The following TSFM variants were observed in gnomAD, a reference collection of about 807,000 sequenced individuals.
TSFM encodes the protein Ts translation elongation factor, mitochondrial, also known as elongation factor Ts, mitochondrial.
TSFM carries 29 observed loss-of-function variants against 33.4 expected under a neutral mutation model. That is an observed-to-expected ratio of 0.87 (90% CI 0.65 to 1.18). The LOEUF is 1.18. Ranked by LOEUF, TSFM falls within the 50% of genes most tolerant of loss-of-function variation. The probability of loss-of-function intolerance (pLI) is 0.00; values close to 1 mark genes in which losing one functional copy is unlikely to be tolerated. For synonymous variants in TSFM, 178 were observed against 163.5 expected (o/e 1.09, Z -0.68); for missense variants, 394 against 395.6 (o/e 1.00, Z 0.04).
At chr12:57,798,124 G>A, downstream of TSFM, 2 of 529,700 alleles carry the variant, frequency 3.8e-6, no homozygotes, top group Non-Finnish European at 6.3e-6. Flanking sequence ...GAATTTCTCA[G>A]AAAGGCTGTT....
intron 2 of TSFM, chr12:57,784,050 A>T (rs1316682306): frequency 1.4e-6 from 1 of 702,824 alleles, no homozygotes; most frequent in Admixed American, 2.0e-5. Context: ...GAGTACCTAC[A>T]CAAACCTAGA....
At chr12:57,797,859 C>A, downstream of TSFM, 3 of 1,526,430 alleles carry the variant, frequency 2.0e-6, no homozygotes, top group South Asian at 2.5e-5. Context: ...TGTGGCCTTG[C>A]AATAGGTATA....
downstream of TSFM, among the ~76,000 whole-genome samples, chr12:57,798,754 C>G (rs1201066645): frequency 6.6e-6 from 1 of 151,714 alleles, no homozygotes; most frequent in Non-Finnish European, 1.5e-5. Flanking sequence ...GTAGCTGGGA[C>G]TACAGGCACC....
intron 4 of TSFM, among the ~76,000 whole-genome samples, chr12:57,789,260 G>T (rs1053204281): frequency 6.7e-6 from 1 of 149,312 alleles, no homozygotes; most frequent in African/African-American, 2.5e-5. Flanking sequence ...CACTGCACCC[G>T]GTCATCATCA....
At position 57,796,412 on chromosome 12, in the gene TSFM, C is replaced by T; in HGVS notation, c.807C>T (p.Gly269=). ...TGGGCATGGCCCCCCTCTCTGTTGG[C>T]TCCCTGGACGATGAGCCTGGGGGAG... ...HVVGMAPLSV[G]SLDDEPGGEA... Residue 269 remains glycine, a synonymous_variant, in exon 6 of 6, where the codon GGC becomes GGT. Transcript: ENST00000652027. 1.2e-6 allele frequency: 2 copies of T among 1,602,128 alleles called. No homozygotes were observed. The highest frequency in any genetic ancestry group is 1.3e-5 in the African/African-American group (1 of 74,882).
intron 4 of TSFM, among the ~76,000 whole-genome samples, chr12:57,789,866 T>G (rs1955639592): frequency 6.6e-6 from 1 of 152,216 alleles, no homozygotes; most frequent in South Asian, 2.1e-4. Context: ...TCCTTTGATA[T>G]GCCCTTATTA....
chr12:57,783,757 CTATTT>C, intron 2 of TSFM: 2 of 580,548 alleles, frequency 3.4e-6, no homozygotes, highest in Non-Finnish European at 6.1e-6. Context: ...CGACACCCGG[CTATTT>C]TATTTTTTAT....
intron 2 of TSFM, chr12:57,784,100 A>G: frequency 1.4e-6 from 1 of 702,748 alleles, no homozygotes; most frequent in Admixed American, 2.0e-5. Context: ...TGGAATTGCC[A>G]GCTGCTCCTA....
intron 5 of TSFM, among the ~76,000 whole-genome samples, chr12:57,793,804 C>T (rs1955696178): frequency 6.6e-6 from 1 of 152,108 alleles, no homozygotes; most frequent in South Asian, 2.1e-4. Context: ...GAAAATAGTA[C>T]ATTAAAGATT....
In TSFM at chr12:57,786,171, C is replaced by G; in HGVS notation, c.240C>G (p.Ile80Met). 1 of 1,605,448 alleles carries G rather than the reference C, an allele frequency of 6.2e-7. No individual in the cohort carries two copies. Among genetic ancestry groups the G allele is most frequent in the Non-Finnish European group, 8.5e-7 (1 of 1,175,668 alleles). The change falls in exon 3 of 6, where the codon ATC (isoleucine) becomes ATG (methionine). Residue 80 changes from isoleucine to methionine, a missense_variant. Around this residue, in one of 3 missense-constraint regions of TSFM, gnomAD observed 208 missense variants for 180.4 expected, o/e 1.15. Transcript: ENST00000652027. ...TTCCTCTCAATTTACAGGCAGAGAT[C>G]TGGCTCCACAAGGAGGCCCAGAAGG... ...TCGGDLKQAE[I>M]WLHKEAQKEG...
chr12:57,797,808 G>T, downstream of TSFM: 1 of 1,179,174 alleles, frequency 8.5e-7, no homozygotes, highest in Non-Finnish European at 1.2e-6. Context: ...AGAAATTGGT[G>T]GATAAATTAT....
At chr12:57,802,665 G>A (rs1386096796), downstream of TSFM, 2 of 644,014 alleles carry the variant, frequency 3.1e-6, no homozygotes, top group Non-Finnish European at 5.6e-6. Flanking sequence ...ACACCTTCAG[G>A]ATGTAGCTCT....
downstream of TSFM, chr12:57,798,087 G>A (rs1165483348): frequency 6.3e-6 from 5 of 797,224 alleles, no homozygotes; most frequent in African/African-American, 1.8e-5. Flanking sequence ...GGAGTTCTAG[G>A]TGGATCCTTG....
At position 57,794,232 on chromosome 12, in the gene TSFM, G is replaced by T. The variant is rs374358614; in HGVS notation, c.571+1159G>T. 4.0e-4 allele frequency among the ~76,000 whole-genome samples: 61 copies of T among 152,324 alleles called. 1 individual carries two copies. Among genetic ancestry groups the T allele is most frequent in the African/African-American group, 1.4e-3 (59 of 41,564 alleles). On this transcript the variant is annotated intron_variant, in intron 5 of 5. Coordinates refer to ENST00000652027, the MANE Select transcript of TSFM (RefSeq NM_005726.6). ...TCAGTTTCTGGGAATTAACTATTGG[G>T]TATATGCTTTGAGCTATTTTAAAAT...
chr12:57,790,137 C>T (rs1331612275), intron 4 of TSFM, among the ~76,000 whole-genome samples: 2 of 141,672 alleles, frequency 1.4e-5, no homozygotes, highest in African/African-American at 2.6e-5. Flanking sequence ...GATCTTGGCT[C>T]GCTGCTACCT....
chr12:57,783,488 A>G, intron 2 of TSFM: 1 of 719,210 alleles, frequency 1.4e-6, no homozygotes, highest in Non-Finnish European at 2.5e-6. Context: ...AACAAACCAG[A>G]CTGTTACGGT....
intron 5 of TSFM, among the ~76,000 whole-genome samples, chr12:57,794,953 G>T (rs1313517896): frequency 6.6e-6 from 1 of 151,750 alleles, no homozygotes; most frequent in Non-Finnish European, 1.5e-5. Flanking sequence ...TAGAGACGGG[G>T]TTTCACCGTG....
intron 2 of TSFM, chr12:57,784,015 G>A: frequency 2.8e-6 from 2 of 702,940 alleles, no homozygotes; most frequent in Non-Finnish European, 5.2e-6. Context: ...GCGTCGTTAG[G>A]AGATTTTGGC....
chr12:57,801,137 G>T, downstream of TSFM: 1 of 1,612,896 alleles, frequency 6.2e-7, no homozygotes. Flanking sequence ...GAGCGAACCC[G>T]ACTCACAGCA....
Sources: gnomAD v4.1 joint callset for allele counts (sites outside exome capture counted in the v4.1 genomes callset) on GRCh38, gnomAD v4.1.1 for gene constraint, gnomAD v4.1.1 regional missense constraint, MANE v1.5 for transcripts, NCBI Gene and HGNC (gene_info 2026-07-23, HGNC 2026-07-21) for gene names.